The following CSGALNACT1 variants were observed in gnomAD, a reference collection of about 807,000 sequenced individuals.
CSGALNACT1 encodes chondroitin sulfate N-acetylgalactosaminyltransferase 1.
Under a neutral mutation model 51.0 loss-of-function variants are expected in CSGALNACT1, and 52 were observed. The ratio of observed to expected loss-of-function variants is 1.02; its 90% CI spans 0.82 to 1.29. The LOEUF is 1.29. Ranked by LOEUF, CSGALNACT1 falls within the 50% of genes most tolerant of loss-of-function variation. CSGALNACT1 has a pLI of 0.00. For synonymous variants in CSGALNACT1, 341 were observed against 254.4 expected (o/e 1.34, Z -3.24); for missense variants, 935 against 679.2 (o/e 1.38, Z -4.19).
At chr8:19,632,078 A>G (rs913549254) in intron 1 of CSGALNACT1, among the ~76,000 whole-genome samples, 1 of 152,266 alleles carries the variant, frequency 6.6e-6, no homozygotes, top group African/African-American at 2.4e-5. Context: ...TCTTGTTTAC[A>G]TAATACTTTT....
At chr8:19,671,005 C>T (rs942528555) in intron 1 of CSGALNACT1, among the ~76,000 whole-genome samples, 19 of 151,968 alleles carry the variant, frequency 1.3e-4, no homozygotes, top group African/African-American at 2.9e-4. Flanking sequence ...TGACATTAGA[C>T]GAAAACAAAA....
At chr8:19,408,949 A>AACACACACACACACACACAC (rs5889870) in intron 8 of CSGALNACT1, among the ~76,000 whole-genome samples, 10,061 of 142,038 alleles carry the variant, frequency 0.071, 478 homozygotes, top group Non-Finnish European at 0.092. Flanking sequence ...TAGATATGAA[A>AACACACACACACACACACAC]ACACACACAC....
chr8:19,439,142 A>T (rs2060885054), intron 6 of CSGALNACT1, among the ~76,000 whole-genome samples: 2 of 152,242 alleles, frequency 1.3e-5, no homozygotes, highest in Non-Finnish European at 2.9e-5. Flanking sequence ...AGAAGATGCC[A>T]TGGGGATTAC....
At position 19,473,902 on chromosome 8, in the gene CSGALNACT1, T is replaced by C. The variant is rs2068781411; in HGVS notation, c.635-15260A>G. Among the ~76,000 whole-genome samples the C allele has an allele frequency of 3.9e-5, 6 of 152,202 alleles. No individual in the cohort carries two copies. The South Asian group carries it at 1.0e-3, about 26-fold the overall frequency. On this transcript the variant is annotated intron_variant, in intron 4 of 9. Coordinates refer to ENST00000454498, the Ensembl canonical transcript of CSGALNACT1. ...CAGAAAACAGGTCACAATTTTCTAC[T>C]ATAATAAAATGAATTGACCTGTATT...
intron 5 of CSGALNACT1, among the ~76,000 whole-genome samples, chr8:19,444,214 T>C (rs575234684): frequency 2.7e-4 from 41 of 152,252 alleles, no homozygotes; most frequent in Non-Finnish European, 4.7e-4. Context: ...CATCCTCTTG[T>C]AGACTTTAAA....
intron 1 of CSGALNACT1, among the ~76,000 whole-genome samples, chr8:19,751,916 T>C (rs2065053119): frequency 6.6e-6 from 1 of 152,068 alleles, no homozygotes; most frequent in Admixed American, 6.5e-5. Context: ...CTTTTCTTCA[T>C]AAATTACCCA....
At chr8:19,711,137 T>C (rs561496772) in intron 1 of CSGALNACT1, among the ~76,000 whole-genome samples, 2 of 152,334 alleles carry the variant, frequency 1.3e-5, no homozygotes, top group East Asian at 3.9e-4. Context: ...GATTTTTATA[T>C]GTCTTTAAAG....
chr8:19,700,128 A>G (rs10095441), intron 1 of CSGALNACT1, among the ~76,000 whole-genome samples: 1,803 of 15,314 alleles, frequency 0.12, 47 homozygotes, highest in African/African-American at 0.21. Context: ...AAAAAAAAGA[A>G]AAAAAAAAAC....
upstream of CSGALNACT1, among the ~76,000 whole-genome samples, chr8:19,684,832 A>ACTTTT (rs566453269): frequency 1.7e-3 from 255 of 152,326 alleles, 1 homozygote; most frequent in South Asian, 8.1e-3. Flanking sequence ...TCATTTGTTC[A>ACTTTT]CTTTTCTTTT....
intron 4 of CSGALNACT1, among the ~76,000 whole-genome samples, chr8:19,489,395 C>T (rs1358934889): frequency 2.0e-5 from 3 of 152,046 alleles, no homozygotes; most frequent in Non-Finnish European, 2.9e-5. Context: ...AAAAATCAAA[C>T]AAAAATTTAC....
At chr8:19,657,044 C>T (rs531644593) in intron 1 of CSGALNACT1, among the ~76,000 whole-genome samples, 4 of 127,106 alleles carry the variant, frequency 3.1e-5, no homozygotes, top group East Asian at 4.6e-4. Flanking sequence ...GCCCAGGCAA[C>T]AGAGTAAGAC....
At chr8:19,558,545 A>G (rs890152667) in intron 3 of CSGALNACT1, among the ~76,000 whole-genome samples, 3 of 152,210 alleles carry the variant, frequency 2.0e-5, no homozygotes, top group African/African-American at 7.2e-5. Flanking sequence ...AAAGCTAATT[A>G]ACATAAATCG....
At chr8:19,682,736 A>T, upstream of CSGALNACT1, 1 of 454,108 alleles carries the variant, frequency 2.2e-6, no homozygotes. Flanking sequence ...CAGCCTGAGC[A>T]AGGCTGCGGA....
At chr8:19,453,578 G>A (rs562971968) in intron 5 of CSGALNACT1, among the ~76,000 whole-genome samples, 4 of 152,244 alleles carry the variant, frequency 2.6e-5, no homozygotes, top group Admixed American at 2.0e-4. Context: ...AACCCACAAA[G>A]CAAAACAGGA....
chr8:19,596,022 C>A (rs556565534), intron 2 of CSGALNACT1, among the ~76,000 whole-genome samples: 1 of 152,038 alleles, frequency 6.6e-6, no homozygotes, highest in Non-Finnish European at 1.5e-5. Context: ...TGCCACCACA[C>A]CGAGCTAATT....
At chr8:19,600,670 GT>G (rs1203529831) in intron 2 of CSGALNACT1, among the ~76,000 whole-genome samples, 3 of 151,678 alleles carry the variant, frequency 2.0e-5, no homozygotes, top group Non-Finnish European at 2.9e-5. Flanking sequence ...TTCAGCCAAG[GT>G]TTTTTTTATT....
chr8:19,493,705 T>C (rs1292154480), intron 4 of CSGALNACT1, among the ~76,000 whole-genome samples: 1 of 152,226 alleles, frequency 6.6e-6, no homozygotes, highest in Non-Finnish European at 1.5e-5. Flanking sequence ...AATCTTCTAT[T>C]GCATGCAATT....
intron 3 of CSGALNACT1, among the ~76,000 whole-genome samples, chr8:19,565,495 C>A (rs548761921): frequency 6.6e-6 from 1 of 152,338 alleles, no homozygotes; most frequent in East Asian, 1.9e-4. Context: ...CTTTCCAACT[C>A]AAGATCCTCT....
intron 1 of CSGALNACT1, among the ~76,000 whole-genome samples, chr8:19,616,990 C>T (rs559821484): frequency 3.3e-5 from 5 of 152,278 alleles, no homozygotes; most frequent in South Asian, 4.1e-4. Context: ...CACATTGTAA[C>T]ATATAAGAAA....
Sources: allele counts gnomAD v4.1 joint callset (sites outside exome capture counted in the v4.1 genomes callset), GRCh38; gene constraint gnomAD v4.1.1; transcripts MANE v1.5; gene names NCBI Gene and HGNC (gene_info 2026-07-23, HGNC 2026-07-21).